Variants in PARVA observed in about 807,000 individuals in gnomAD.
PARVA encodes the protein alpha-parvin.
A neutral mutation model predicts 52.6 loss-of-function variants in PARVA; 25 were observed. That is an observed-to-expected ratio of 0.48 (90% CI 0.35 to 0.66). PARVA has a LOEUF of 0.66. Among genes scored for constraint, PARVA ranks in the 30% least tolerant of loss-of-function variants. The pLI is 0.01. For missense variants in PARVA, 373 were observed against 450.9 expected (o/e 0.83, Z 1.56); for synonymous variants, 185 against 179.1 (o/e 1.03, Z -0.26).
chr11:12,377,574 C>A lies in PARVA; in HGVS notation c.-74C>A. On this transcript the variant is annotated 5_prime_UTR_variant, in exon 1 of 13. Transcript: ENST00000334956. ...CCGTTTGGAAAGCCGCAGCCTCAGT[C>A]CCGCCGCCGCCCGCTGCGTCCGCCC... 1 of 1,497,004 alleles carries A rather than the reference C, an allele frequency of 6.7e-7. No individual in the cohort carries two copies. Among genetic ancestry groups the A allele is most frequent in the Non-Finnish European group, 8.9e-7 (1 of 1,123,464 alleles). The allele number at this position is 1,497,004 out of a possible 1,614,324, so 92.7% of individuals were successfully genotyped here. A position where few individuals can be genotyped will look rare whatever the true frequency, so the allele number is the denominator to read the frequency against.
intron 1 of PARVA, among the ~76,000 whole-genome samples, chr11:12,421,428 C>G (rs937357835): frequency 3.3e-5 from 5 of 152,102 alleles, no homozygotes; most frequent in African/African-American, 9.7e-5. Context: ...CTCTGAAAGT[C>G]TAAATTCCAG....
chr11:12,501,966 C>T (rs1053672076), intron 5 of PARVA, among the ~76,000 whole-genome samples: 1 of 152,162 alleles, frequency 6.6e-6, no homozygotes, highest in African/African-American at 2.4e-5. Flanking sequence ...GTTCTTACAA[C>T]CCTCAGTGAC....
At chr11:12,466,904 G>A (rs769299902) in intron 1 of PARVA, among the ~76,000 whole-genome samples, 5 of 152,078 alleles carry the variant, frequency 3.3e-5, no homozygotes, top group Admixed American at 6.5e-5. Context: ...TTTAGAATCA[G>A]TTTGTCAATA....
At chr11:12,501,106 C>CAAAAAAAAAAAAAAAAAAA (rs112564187) in intron 5 of PARVA, among the ~76,000 whole-genome samples, 1 of 132,564 alleles carries the variant, frequency 7.5e-6, no homozygotes. Flanking sequence ...AAATCCATCT[C>CAAAAAAAAAAAAAAAAAAA]AAAAAAAAAA....
At chr11:12,423,575 C>T (rs996950598) in intron 1 of PARVA, among the ~76,000 whole-genome samples, 1 of 152,042 alleles carries the variant, frequency 6.6e-6, no homozygotes, top group Non-Finnish European at 1.5e-5. Context: ...AATATGCTCT[C>T]CTTTTTTTCT....
At chr11:12,402,273 CTG>C (rs1446666530) in intron 1 of PARVA, among the ~76,000 whole-genome samples, 1 of 152,134 alleles carries the variant, frequency 6.6e-6, no homozygotes, top group Non-Finnish European at 1.5e-5. Flanking sequence ...TCAGCAGAAA[CTG>C]TGGCCCTCAG....
At chr11:12,388,183 AC>A in intron 1 of PARVA, among the ~76,000 whole-genome samples, 1 of 152,214 alleles carries the variant, frequency 6.6e-6, no homozygotes, top group East Asian at 1.9e-4. Context: ...TGGAGGGCAC[AC>A]CTTTGGTGAG....
At chr11:12,415,898 C>G (rs1465239899) in intron 1 of PARVA, among the ~76,000 whole-genome samples, 1 of 152,346 alleles carries the variant, frequency 6.6e-6, no homozygotes, top group Non-Finnish European at 1.5e-5. Flanking sequence ...ACAAGAGTCC[C>G]GCATAGCCCC....
At chr11:12,448,437 A>G (rs1940576553) in intron 1 of PARVA, among the ~76,000 whole-genome samples, 1 of 152,206 alleles carries the variant, frequency 6.6e-6, no homozygotes, top group Non-Finnish European at 1.5e-5. Context: ...ATGTCCAGAA[A>G]GGCAGGCTTA....
chr11:12,470,405 G>C (rs1207622651), intron 1 of PARVA, among the ~76,000 whole-genome samples: 1 of 152,170 alleles, frequency 6.6e-6, no homozygotes, highest in Non-Finnish European at 1.5e-5. Context: ...AACCCTTGGA[G>C]GTCGGCAATA....
chr11:12,463,968 C>T (rs1379921404), intron 1 of PARVA, among the ~76,000 whole-genome samples: 1 of 121,812 alleles, frequency 8.2e-6, no homozygotes, highest in African/African-American at 3.1e-5. Context: ...GAGCCTCTGA[C>T]ATCCCTCCTT....
chr11:12,514,644 A>T (rs1180750789), intron 10 of PARVA, among the ~76,000 whole-genome samples: 1 of 152,100 alleles, frequency 6.6e-6, no homozygotes, highest in Non-Finnish European at 1.5e-5. Flanking sequence ...TGCGCCACCA[A>T]GCCCGGCTAA....
chr11:12,429,344 C>T (rs549386052), intron 1 of PARVA, among the ~76,000 whole-genome samples: 7 of 152,212 alleles, frequency 4.6e-5, no homozygotes, highest in South Asian at 4.2e-4. Flanking sequence ...AACCCCTCCC[C>T]GAGGCCTGCA....
intron 1 of PARVA, among the ~76,000 whole-genome samples, chr11:12,400,686 A>C (rs991612920): frequency 5.9e-5 from 9 of 151,944 alleles, no homozygotes; most frequent in African/African-American, 2.2e-4. Context: ...CTTTTTTGTG[A>C]GTTGGGCCTA....
intron 1 of PARVA, among the ~76,000 whole-genome samples, chr11:12,430,163 C>CCT (rs1392547831): frequency 3.9e-5 from 6 of 152,056 alleles, no homozygotes; most frequent in Non-Finnish European, 7.4e-5. Flanking sequence ...TTGTGGTATC[C>CCT]CTGAACATGG....
intron 3 of PARVA, among the ~76,000 whole-genome samples, chr11:12,475,882 C>T (rs1941006610): frequency 6.6e-6 from 1 of 152,198 alleles, no homozygotes; most frequent in Non-Finnish European, 1.5e-5. Flanking sequence ...TGCCCCTGCC[C>T]AGTGAGACCC....
intron 1 of PARVA, among the ~76,000 whole-genome samples, chr11:12,398,504 G>A (rs937825137): frequency 2.7e-5 from 4 of 147,128 alleles, no homozygotes; most frequent in African/African-American, 9.9e-5. Context: ...CCCCTTATAA[G>A]AGCAGAAATG....
intron 1 of PARVA, among the ~76,000 whole-genome samples, chr11:12,397,751 G>A (rs1429142096): frequency 1.3e-5 from 2 of 151,732 alleles, no homozygotes; most frequent in Admixed American, 6.6e-5. Flanking sequence ...ATCTCAAGGC[G>A]AAATCCTGTG....
At chr11:12,436,219 G>C (rs575799047) in intron 1 of PARVA, among the ~76,000 whole-genome samples, 3 of 152,096 alleles carry the variant, frequency 2.0e-5, no homozygotes, top group Non-Finnish European at 4.4e-5. Context: ...GACTTAATTC[G>C]GTAGGATGAT....
Sources: allele counts gnomAD v4.1 joint callset (sites outside exome capture counted in the v4.1 genomes callset), GRCh38; gene constraint gnomAD v4.1.1; transcripts MANE v1.5; gene names NCBI Gene and HGNC (gene_info 2026-07-23, HGNC 2026-07-21).